The following NUDT17 variants were observed in gnomAD, a reference collection of about 807,000 sequenced individuals.
NUDT17 encodes the protein m7GpppN-mRNA hydrolase NUDT17.
NUDT17 carries 38 observed loss-of-function variants against 38.6 expected under a neutral mutation model. The observed-to-expected ratio is 0.98, with a 90% CI of 0.76 to 1.29. The LOEUF (loss-of-function observed/expected upper bound fraction) is 1.29. Ranked by LOEUF, NUDT17 falls within the 50% of genes most tolerant of loss-of-function variation. NUDT17 has a pLI of 0.00. For synonymous variants in NUDT17, 192 were observed against 167.8 expected (o/e 1.14, Z -1.11); for missense variants, 462 against 415.2 (o/e 1.11, Z -0.98).
In NUDT17 at chr1:145,846,345, A is replaced by G. The variant is rs782255406; in HGVS notation, c.377-88A>G. The G allele has an allele frequency of 4.6e-6, 7 of 1,513,018 alleles. No individual in the cohort carries two copies. In the African/African-American group the frequency reaches 9.6e-5, roughly 21 times the overall value. 93.7% of individuals were successfully genotyped at this position (1,513,018 alleles called of 1,614,324 possible). ...AGGGACTGCAACTCCCTCTGTGTCCACTGGAGGGGAGAGGAGTGTCAACAG... is the reference window on the plus strand; with the variant it reads ...AGGGACTGCAACTCCCTCTGTGTCCGCTGGAGGGGAGAGGAGTGTCAACAG... On this transcript the variant is annotated intron_variant, in intron 2 of 7. Coordinates refer to ENST00000334513, the MANE Select transcript of NUDT17 (RefSeq NM_001012758.3).
rs1386705424 is a variant in NUDT17, at chr1:145,848,056, T to TGTAA, written c.732-53_732-50dup. ...GGAGGATTCGGGGACCTAACATATA[T>TGTAA]GTAAGTTCTTTGTAAGCTACAAGGC... is the stretch of plus-strand genomic sequence containing the variant. On this transcript the variant is annotated intron_variant, in intron 6 of 7. Coordinates refer to ENST00000334513, the MANE Select transcript of NUDT17 (RefSeq NM_001012758.3). 6 of 1,603,558 alleles carry TGTAA rather than the reference T, an allele frequency of 3.7e-6. No homozygotes were observed. The African/African-American group carries it at 8.0e-5, about 21-fold the overall frequency.
chr1:145,847,821 G>T, intron 6 of NUDT17, 102 bp downstream of exon 6: 3 of 1,195,796 alleles, frequency 2.5e-6, no homozygotes, highest in Admixed American at 2.0e-5. Flanking sequence ...TGTTGTGGGG[G>T]AGATTTAAGG....
rs782210702 is a variant in NUDT17 at position 145,847,216 on chromosome 1, GA to G, written c.496-31del. 3.2e-6 allele frequency: 4 copies of G among 1,255,996 alleles called. No individual in the cohort carries two copies. In the African/African-American group the frequency reaches 6.1e-5, roughly 19 times the overall value. 77.8% of individuals were successfully genotyped at this position (1,255,996 alleles called of 1,614,324 possible). Reference sequence around the variant, plus strand: ...TCTTAAAAAAAAAAAAAAAGTGACGGAAAGTTCTCACTTTTGCTGTTTTCTT... The same window carrying G: ...TCTTAAAAAAAAAAAAAAAGTGACGGAAGTTCTCACTTTTGCTGTTTTCTT... On this transcript the variant is annotated intron_variant, in intron 4 of 7. Transcript: ENST00000334513.
Position 145,846,626 on chromosome 1 carries a change from G to C in NUDT17, c.431G>C (p.Trp144Ser). Reference sequence around the variant, plus strand: ...CTGGACGGAGGGCTTCGAGAACTTTGGGAGGAGAGTGGACTACACCTGCCC... The same window carrying C: ...CTGGACGGAGGGCTTCGAGAACTTTCGGAGGAGAGTGGACTACACCTGCCC... ...ELLDGGLREL[W>S]EESGLHLPQG... The change falls in exon 4 of 8, where the codon TGG (tryptophan) becomes TCG (serine). Residue 144 changes from tryptophan to serine, a missense_variant. Coordinates refer to ENST00000334513, the MANE Select transcript of NUDT17 (RefSeq NM_001012758.3). The C allele has an allele frequency of 6.2e-7, 1 of 1,614,184 alleles. No individual in the cohort carries two copies. Among genetic ancestry groups the C allele is most frequent in the Non-Finnish European group, 8.5e-7 (1 of 1,180,008 alleles).
rs140838696 is a variant in NUDT17 at position 145,848,425 on chromosome 1, A to C, written c.933A>C (p.Ala311=). ...CAGCTTACCTGGACCCAGGGCCAGC[A>C]AAGGAAGAATGGAACATGGACCCTC... ...KSAAYLDPGP[A]KEEWNMDPLP... The change falls in exon 8 of 8, where the codon GCA becomes GCC. Residue 311 remains alanine, a synonymous_variant. Transcript: ENST00000334513. 916 of 1,614,058 alleles carry C rather than the reference A, an allele frequency of 5.7e-4. No individual in the cohort carries two copies. The highest frequency in any genetic ancestry group is 1.0e-3 in the Admixed American group (60 of 59,996).
chr1:145,846,774 G>C (rs782532928), intron 4 of NUDT17, 84 bp downstream of exon 4: 2 of 944,300 alleles, frequency 2.1e-6, no homozygotes, highest in Non-Finnish European at 3.5e-6. Flanking sequence ...CACATAAGTG[G>C]GCTGGAATCC....
In NUDT17 at chr1:145,848,696, G is replaced by T; in HGVS notation, c.*217G>T. On this transcript the variant is annotated 3_prime_UTR_variant, in exon 8 of 8. Coordinates refer to ENST00000334513, the MANE Select transcript of NUDT17 (RefSeq NM_001012758.3). ...GCAGAATGAGCCAGGCCTAACTACA[G>T]GGCCATGAGCCTCTAGAAGCTTAGG... The T allele has an allele frequency of 3.8e-6, 2 of 530,558 alleles. No homozygotes were observed. Among genetic ancestry groups the T allele is most frequent in the South Asian group, 5.0e-5 (2 of 40,266 alleles). 32.9% of individuals were successfully genotyped at this position (530,558 alleles called of 1,614,324 possible). A position where few individuals can be genotyped will look rare whatever the true frequency, so the allele number is the denominator to read the frequency against.
chr1:145,847,702 C>T lies in NUDT17; in HGVS notation c.714C>T (p.Asp238=). Residue 238 remains aspartate (D), a synonymous_variant, in exon 6 of 8, where the codon GAC becomes GAT. Coordinates refer to ENST00000334513, the MANE Select transcript of NUDT17 (RefSeq NM_001012758.3). ...AGACACCCGGACTTCTCCCCCAGGA[C>T]CTACCACCCTCTGTCCTGTAAGTAA... ...GTETPGLLPQ[D]LPPSVLAVEL... is the part of the protein sequence containing the mutation. 1 of 1,614,154 alleles carries T rather than the reference C, an allele frequency of 6.2e-7. No individual in the cohort carries two copies. Among genetic ancestry groups the T allele is most frequent in the East Asian group, 2.2e-5 (1 of 44,890 alleles).
In NUDT17 at chr1:145,848,099, T is replaced by TG; in HGVS notation, c.732-12dup. The TG allele has an allele frequency of 6.2e-7, 1 of 1,612,956 alleles. No homozygotes were observed. Among genetic ancestry groups the TG allele is most frequent in the Non-Finnish European group, 8.5e-7 (1 of 1,179,932 alleles). ...TACAAGGCACAGCCCCAACAGGAGTTGTCACCATGCAGTGCAGTGGAACTA... is the reference window on the plus strand; with the variant it reads ...TACAAGGCACAGCCCCAACAGGAGTTGGTCACCATGCAGTGCAGTGGAACTA... On this transcript the variant is annotated splice_polypyrimidine_tract_variant and intron_variant, in intron 6 of 7. Transcript: ENST00000334513.
rs1652820503 is a variant in NUDT17, at chr1:145,848,449, T to A, written c.957T>A (p.Pro319=). The A allele has an allele frequency of 6.2e-7, 1 of 1,614,024 alleles. No individual in the cohort carries two copies. The highest frequency in any genetic ancestry group is 8.5e-7 in the Non-Finnish European group (1 of 1,179,928). The change falls in exon 8 of 8, where the codon CCT becomes CCA. Residue 319 remains proline (P), a synonymous_variant. Transcript: ENST00000334513. ...CAAAGGAAGAATGGAACATGGACCC[T>A]CTTCCCCCAAACCAGGGGTCTGGAA... ...GPAKEEWNMD[P]LPPNQGSGK is the part of the protein sequence containing the mutation.
Position 145,845,847 on chromosome 1 carries a change from G to T in NUDT17, c.192+15G>T, listed in dbSNP as rs1234338714. 3 of 1,575,200 alleles carry T rather than the reference G, an allele frequency of 1.9e-6. No homozygotes were observed. Among genetic ancestry groups the T allele is most frequent in the Admixed American group, 1.8e-5 (1 of 54,386 alleles). ...TTCCGCTCCAGGTCGGCAGAAGGGG[G>T]CCCCAGAGCGGGGGCAGTGAAGGGC... On this transcript the variant is annotated intron_variant, in intron 1 of 7. Coordinates refer to ENST00000334513, the MANE Select transcript of NUDT17 (RefSeq NM_001012758.3).
At position 145,845,782 on chromosome 1, in the gene NUDT17, G is replaced by C. The variant is rs1652618677; in HGVS notation, c.142G>C (p.Val48Leu). 6.3e-7 allele frequency: 1 copy of C among 1,593,240 alleles called. No individual in the cohort carries two copies. The highest frequency in any genetic ancestry group is 1.8e-5 in the Admixed American group (1 of 56,930). ...IHCSLKRGRLVLSSRPFPGAS... is the reference protein window; with the variant it reads ...IHCSLKRGRLLLSSRPFPGAS... ...CTGCAGCTTGAAGCGAGGACGGCTT[G>C]TCCTCTCGAGCAGGCCCTTCCCAGG... Residue 48 changes from valine to leucine, a missense_variant, in exon 1 of 8, where the codon GTC becomes CTC. By Grantham distance (32) the Val-to-Leu change is conservative. Transcript: ENST00000334513.
chr1:145,847,256 T>G lies in NUDT17; in HGVS notation c.502T>G (p.Tyr168Asp), dbSNP rs782805518. Residue 168 changes from tyrosine to aspartate, a missense_variant, in exon 5 of 8, where the codon TAC (tyrosine) becomes GAC (aspartate). Coordinates refer to ENST00000334513, the MANE Select transcript of NUDT17 (RefSeq NM_001012758.3). ...WVPLGLWESA[Y>D]PPRLSWGLPK... ...TGCTGTTTTCTTTTCCTAGTCTGCCTACCCTCCTAGGCTGAGCTGGGGTTT... is the reference window on the plus strand; with the variant it reads ...TGCTGTTTTCTTTTCCTAGTCTGCCGACCCTCCTAGGCTGAGCTGGGGTTT... 2 of 1,590,592 alleles carry G rather than the reference T, an allele frequency of 1.3e-6. No individual in the cohort carries two copies. Among genetic ancestry groups the G allele is most frequent in the Non-Finnish European group, 1.7e-6 (2 of 1,163,308 alleles).
At chr1:145,846,487 C>G (rs782050332) in intron 3 of NUDT17, 29 bp downstream of exon 3, 2 of 1,610,672 alleles carry the variant, frequency 1.2e-6, no homozygotes. Flanking sequence ...CAACCTGAGC[C>G]AAGAGACCCA....
chr1:145,846,316 C>A, intron 2 of NUDT17, 117 bp from the exon 3 acceptor site: 1 of 1,465,504 alleles, frequency 6.8e-7, no homozygotes, highest in South Asian at 1.2e-5. Flanking sequence ...TGTTCATAGT[C>A]ACAAGGGACT....
In NUDT17 at chr1:145,847,989, CTG is replaced by C. The variant is rs1652788461; in HGVS notation, c.732-122_732-121del. On this transcript the variant is annotated intron_variant, in intron 6 of 7. Transcript: ENST00000334513. Reference sequence around the variant, plus strand: ...AACCCTCCTTGAACCTGTTTCCTTTCTGCAAATGAGGTCAACACCCACCCACC... The same window carrying C: ...AACCCTCCTTGAACCTGTTTCCTTTCCAAATGAGGTCAACACCCACCCACC... 6.1e-6 allele frequency: 7 copies of C among 1,147,230 alleles called. No individual in the cohort carries two copies. In the South Asian group the frequency reaches 9.9e-5, roughly 16 times the overall value. The allele number at this position is 1,147,230 out of a possible 1,614,324, so 71.1% of individuals were successfully genotyped here.
chr1:145,848,502 C>A lies in NUDT17; in HGVS notation c.*23C>A, dbSNP rs1553733326. The A allele has an allele frequency of 6.7e-7, 1 of 1,498,406 alleles. No individual in the cohort carries two copies. The highest frequency in any genetic ancestry group is 1.1e-5 in the South Asian group (1 of 87,740). The allele number at this position is 1,498,406 out of a possible 1,614,324, so 92.8% of individuals were successfully genotyped here. ...TGAAGTGTAAAATCCCCTCCCTAGC[C>A]CATCTCCATGACACTCACAGAACAT... On this transcript the variant is annotated 3_prime_UTR_variant, in exon 8 of 8. Transcript: ENST00000334513.
At chr1:145,845,991 C>T (rs1553732262) in intron 1 of NUDT17, 22 bp from the exon 2 acceptor site, 5 of 1,584,912 alleles carry the variant, frequency 3.2e-6, no homozygotes, top group Non-Finnish European at 4.3e-6. Flanking sequence ...AAGCCTTAAC[C>T]CAGCTGGCTT....
intron 6 of NUDT17, 103 bp from the exon 7 acceptor site, chr1:145,848,009 C>A: frequency 1.4e-6 from 2 of 1,383,682 alleles, no homozygotes; most frequent in South Asian, 1.2e-5. Flanking sequence ...GGTCAACACC[C>A]ACCCACCTCC....
Sources: gnomAD v4.1 joint callset for allele counts on GRCh38, gnomAD v4.1.1 for gene constraint, MANE v1.5 for transcripts, NCBI Gene and HGNC (gene_info 2026-07-23, HGNC 2026-07-21) for gene names.